MMEL1: variants seen among roughly 807,000 people sequenced by gnomAD.
The protein encoded by MMEL1 is membrane metalloendopeptidase like 1, also known as membrane metallo-endopeptidase-like 1.
In MMEL1, 98 loss-of-function variants were observed where a neutral mutation model predicts 117.1. The observed-to-expected ratio is 0.84, with a 90% CI of 0.71 to 0.99. MMEL1 has a LOEUF of 0.99. MMEL1 is among the 50% of genes least tolerant of loss of function. The pLI is 0.00. For synonymous variants in MMEL1, 390 were observed against 415.1 expected (o/e 0.94, Z 0.74); for missense variants, 1,014 against 1,049.1 (o/e 0.97, Z 0.46).
chr1:2,625,469 C>T lies in MMEL1; in HGVS notation c.154+3862G>A, dbSNP rs146003416. Among the ~76,000 whole-genome samples the T allele has an allele frequency of 2.6e-3, 401 of 152,332 alleles. 2 individuals are homozygous for T. Among genetic ancestry groups the T allele is most frequent in the East Asian group, 8.9e-3 (46 of 5,186 alleles). ...GGGCTGTATGACCCAGCAGATCCAA[C>T]GGTGCCTGGAGTGTCAGTGGCAGAT... On this transcript the variant is annotated intron_variant, in intron 2 of 23. Transcript: ENST00000378412.
intron 11 of MMEL1, 44 bp from the exon 12 acceptor site, chr1:2,598,834 G>T: frequency 1.4e-6 from 2 of 1,459,456 alleles, no homozygotes; most frequent in Admixed American, 1.8e-5. Context: ...AGAGAGAGAG[G>T]GAGAAACAGT....
intron 11 of MMEL1, 79 bp from the exon 12 acceptor site, chr1:2,598,869 C>T: frequency 1.6e-6 from 2 of 1,273,006 alleles, no homozygotes; most frequent in Non-Finnish European, 1.1e-6. Flanking sequence ...GAAACCCAGC[C>T]CCTGTTGAAG....
intron 22 of MMEL1, 122 bp from the exon 23 acceptor site, chr1:2,591,755 G>T: frequency 9.7e-7 from 1 of 1,035,776 alleles, no homozygotes; most frequent in Non-Finnish European, 1.5e-6. Context: ...GTCAGCAGGT[G>T]CTCCCCTCCT....
At chr1:2,631,599 C>T (rs914560109) in intron 1 of MMEL1, among the ~76,000 whole-genome samples, 1 of 152,064 alleles carries the variant, frequency 6.6e-6, no homozygotes, top group Non-Finnish European at 1.5e-5. Flanking sequence ...CCAGGTCCCT[C>T]GCTCCTCCCT....
At chr1:2,605,663 G>C in intron 8 of MMEL1, 40 bp from the exon 9 acceptor site, 2 of 1,557,488 alleles carry the variant, frequency 1.3e-6, no homozygotes, top group Non-Finnish European at 1.8e-6. Flanking sequence ...AAGGGGCCCG[G>C]GGTCCCCGCA....
intron 2 of MMEL1, among the ~76,000 whole-genome samples, chr1:2,619,405 C>T (rs1645255012): frequency 6.6e-6 from 1 of 152,160 alleles, no homozygotes; most frequent in African/African-American, 2.4e-5. Flanking sequence ...TGCCTGTAAT[C>T]CTAGCACTTT....
intron 2 of MMEL1, among the ~76,000 whole-genome samples, chr1:2,614,853 G>C (rs552249412): frequency 1.3e-5 from 2 of 151,250 alleles, no homozygotes; most frequent in South Asian, 4.2e-4. Flanking sequence ...GGAAACATAC[G>C]AGATGAGCTT....
At chr1:2,605,838 G>A (rs1052722425) in intron 8 of MMEL1, among the ~76,000 whole-genome samples, 31 of 151,946 alleles carry the variant, frequency 2.0e-4, no homozygotes, top group Non-Finnish European at 4.1e-4. Flanking sequence ...TGGCGGGGGT[G>A]GGGTGGGGAG....
intron 2 of MMEL1, 69 bp downstream of exon 2, chr1:2,629,262 A>C: frequency 6.9e-7 from 1 of 1,454,058 alleles, no homozygotes; most frequent in Non-Finnish European, 9.1e-7. Context: ...CGGACCCTGC[A>C]GCAGGTGCAG....
chr1:2,591,309 A>G (rs1644696978), intron 23 of MMEL1: 1 of 597,670 alleles, frequency 1.7e-6, no homozygotes, highest in East Asian at 2.8e-5. Flanking sequence ...CAACTCTGCA[A>G]TAAAACTCTC....
intron 2 of MMEL1, among the ~76,000 whole-genome samples, chr1:2,621,653 T>A (rs1285672567): frequency 6.6e-6 from 1 of 152,022 alleles, no homozygotes; most frequent in South Asian, 2.1e-4. Context: ...AGCCTCCGCC[T>A]CTCAGGTTCA....
At chr1:2,615,685 G>A (rs182706439) in intron 2 of MMEL1, among the ~76,000 whole-genome samples, 66 of 152,298 alleles carry the variant, frequency 4.3e-4, no homozygotes, top group Non-Finnish European at 8.7e-4. Flanking sequence ...TAATAGGGGA[G>A]ACTGGGGGTG....
intron 11 of MMEL1, among the ~76,000 whole-genome samples, chr1:2,603,258 T>G (rs574358193): frequency 1.7e-4 from 26 of 152,256 alleles, no homozygotes; most frequent in Admixed American, 1.4e-3. Flanking sequence ...CCCCACTGAC[T>G]TGGGCACCCT....
At chr1:2,616,342 C>CAA (rs60641053) in intron 2 of MMEL1, among the ~76,000 whole-genome samples, 34,226 of 88,728 alleles carry the variant, frequency 0.39, 6,321 homozygotes, top group African/African-American at 0.49. Flanking sequence ...GACCCTAGCT[C>CAA]AAAAAAAAAA....
chr1:2,609,648 ACC>A lies in MMEL1; in HGVS notation c.454+20_454+21del. 1 of 1,594,290 alleles carries A rather than the reference ACC, an allele frequency of 6.3e-7. No individual in the cohort carries two copies. Among genetic ancestry groups the A allele is most frequent in the Non-Finnish European group, 8.6e-7 (1 of 1,169,552 alleles). On this transcript the variant is annotated intron_variant, in intron 5 of 23. Coordinates refer to ENST00000378412, the MANE Select transcript of MMEL1 (RefSeq NM_033467.4). ...GTCCTGTTCGGCGTCACCCCACTGC[ACC>A]CCCGGCCGTGCTCTGCCACCTTTGA...
chr1:2,608,714 A>G (rs1179124008), intron 6 of MMEL1, among the ~76,000 whole-genome samples: 1 of 152,140 alleles, frequency 6.6e-6, no homozygotes, highest in Non-Finnish European at 1.5e-5. Context: ...TAATACACAT[A>G]TACACTATAC....
chr1:2,595,630 C>T lies in MMEL1; in HGVS notation c.1501-271G>A, dbSNP rs1644823845. On this transcript the variant is annotated intron_variant, in intron 15 of 23. Coordinates refer to ENST00000378412, the MANE Select transcript of MMEL1 (RefSeq NM_033467.4). The surrounding 1 kb of genome is among the most constrained non-coding windows in gnomAD (Gnocchi z 4.8). The stretch of plus-strand genomic sequence containing the variant: ...CCAGGGGTCCGGGTGGGGGCAGGGG[C>T]CCTGGAGGGGTCACTCGGCTGCCGT... Among the ~76,000 whole-genome samples, 3 of 152,102 alleles carry T rather than the reference C, an allele frequency of 2.0e-5. No individual in the cohort carries two copies. The highest frequency in any genetic ancestry group is 4.4e-5 in the Non-Finnish European group (3 of 68,010).
intron 9 of MMEL1, 113 bp downstream of exon 9, chr1:2,605,445 G>A: frequency 1.1e-6 from 1 of 890,928 alleles, no homozygotes; most frequent in Non-Finnish European, 1.8e-6. Flanking sequence ...CTCCACAGGT[G>A]CTCACTAACA....
At position 2,612,992 on chromosome 1, in the gene MMEL1, A is replaced by G. The variant is rs971802817; in HGVS notation, c.155-788T>C. ...GGTCAGGGCTGTTGGCAGGCCTGGA[A>G]CCTGGCCTAGCCCTGGGCAGAGACT... On this transcript the variant is annotated intron_variant, in intron 2 of 23. Coordinates refer to ENST00000378412, the MANE Select transcript of MMEL1 (RefSeq NM_033467.4). The surrounding 1 kb of genome is among the most constrained non-coding windows in gnomAD (Gnocchi z 5.4). 6.6e-6 allele frequency among the ~76,000 whole-genome samples: 1 copy of G among 152,156 alleles called. No individual in the cohort carries two copies. The highest frequency in any genetic ancestry group is 2.4e-5 in the African/African-American group (1 of 41,428).
Sources: gnomAD v4.1 joint callset for allele counts (sites outside exome capture counted in the v4.1 genomes callset) on GRCh38, gnomAD v4.1.1 for gene constraint, Gnocchi (gnomAD v3.1) non-coding constraint, MANE v1.5 for transcripts, NCBI Gene and HGNC (gene_info 2026-07-23, HGNC 2026-07-21) for gene names.